RAB40C: variants seen among roughly 807,000 people sequenced by gnomAD.
RAB40C encodes the protein RAB40C, member RAS oncogene family, also known as ras-related protein Rab-40C.
A neutral mutation model predicts 28.1 loss-of-function variants in RAB40C; 8 were observed. That is an observed-to-expected ratio of 0.28 (90% confidence interval 0.17 to 0.51). The LOEUF is 0.51. RAB40C is among the 20% of genes least tolerant of loss of function. RAB40C has a pLI of 0.97. For missense variants in RAB40C, 288 were observed against 405.9 expected, an observed-to-expected ratio of 0.71 and a Z score of 2.50; for synonymous variants, 201 against 171.7, an observed-to-expected ratio of 1.17 and a Z score of -1.34.
intron 1 of RAB40C, among the ~76,000 whole-genome samples, chr16:611,512 C>T (rs918462299): frequency 3.3e-5 from 5 of 152,208 alleles, no homozygotes; most frequent in East Asian, 3.8e-4. Flanking sequence ...ACAGAACCAC[C>T]GGAGGAGGGA....
At chr16:607,701 G>T (rs1020135803) in intron 1 of RAB40C, among the ~76,000 whole-genome samples, 2 of 152,166 alleles carry the variant, frequency 1.3e-5, no homozygotes, top group African/African-American at 4.8e-5. Flanking sequence ...TGAGGCAGGA[G>T]AATGGCATGA....
At chr16:615,148 G>A (rs1447359794) in intron 1 of RAB40C, among the ~76,000 whole-genome samples, 2 of 152,244 alleles carry the variant, frequency 1.3e-5, no homozygotes, top group African/African-American at 4.8e-5. Context: ...TCTAGGAGAC[G>A]TGTGATCTGC....
intron 1 of RAB40C, among the ~76,000 whole-genome samples, chr16:594,635 C>T (rs546340686): frequency 8.5e-5 from 13 of 152,194 alleles, no homozygotes; most frequent in Admixed American, 4.6e-4. Flanking sequence ...CCTGATGTGT[C>T]GTCGGCTGCT....
intron 1 of RAB40C, among the ~76,000 whole-genome samples, chr16:614,642 T>C (rs1346002045): frequency 2.4e-3 from 290 of 121,748 alleles, no homozygotes; most frequent in South Asian, 4.0e-3. Flanking sequence ...AACTCTGCCG[T>C]ATCCCGATGG....
chr16:625,134 A>T, intron 3 of RAB40C: 1 of 1,353,106 alleles, frequency 7.4e-7, no homozygotes, highest in Non-Finnish European at 9.7e-7. Context: ...AGAACCCCGC[A>T]TCTGCCTGCC....
At chr16:601,889 A>T (rs2036259911) in intron 1 of RAB40C, among the ~76,000 whole-genome samples, 2 of 132,706 alleles carry the variant, frequency 1.5e-5, no homozygotes, top group African/African-American at 2.8e-5. Context: ...GCACTTTGGG[A>T]GGCCGAGGTG....
At chr16:599,266 AG>A (rs2036198870) in intron 1 of RAB40C, among the ~76,000 whole-genome samples, 1 of 152,180 alleles carries the variant, frequency 6.6e-6, no homozygotes, top group South Asian at 2.1e-4. Context: ...CTTTGCTCCG[AG>A]GGGTGTCTGT....
intron 1 of RAB40C, chr16:596,413 T>A: frequency 2.2e-6 from 1 of 450,408 alleles, no homozygotes; most frequent in South Asian, 1.6e-5. Flanking sequence ...AGGAAGGGGT[T>A]GCATCACAGC....
At chr16:590,503 C>T (rs1361081956) in intron 1 of RAB40C, 70 bp downstream of exon 1, 19 of 1,409,208 alleles carry the variant, frequency 1.3e-5, no homozygotes, top group African/African-American at 3.1e-5. Flanking sequence ...CGGAGCTCGC[C>T]CTCGGCCCGG....
In RAB40C at chr16:618,224, C is replaced by T. The variant is rs2036630192; in HGVS notation, c.228C>T (p.Phe76=). ...GGGACACGTCGGGCCAGGGCCGGTT[C>T]TGCACCATCTTCAGGTCCTACTCCA... ...ELWDTSGQGR[F]CTIFRSYSRG... Residue 76 remains phenylalanine (F), a synonymous_variant, in exon 3 of 6, where the codon TTC becomes TTT. Transcript: ENST00000248139. 1 of 1,613,762 alleles carries T rather than the reference C, an allele frequency of 6.2e-7. No individual in the cohort carries two copies. Among genetic ancestry groups the T allele is most frequent in the Non-Finnish European group, 8.5e-7 (1 of 1,179,924 alleles).
chr16:596,764 T>C (rs1044342812), intron 1 of RAB40C, among the ~76,000 whole-genome samples: 1 of 152,116 alleles, frequency 6.6e-6, no homozygotes, highest in African/African-American at 2.4e-5. Flanking sequence ...GTGGGCATCC[T>C]CAGGGCAGGA....
rs767137288 is a variant in RAB40C, at chr16:627,370, G to A, written c.594G>A (p.Arg198=). 6.2e-6 allele frequency: 10 copies of A among 1,613,632 alleles called. No homozygotes were observed. The highest frequency in any genetic ancestry group is 8.5e-6 in the Non-Finnish European group (10 of 1,179,954). Residue 198 remains arginine (R), a synonymous_variant, in exon 6 of 6, where the codon CGG becomes CGA. Transcript: ENST00000248139. ...RVFSLQDLCC[R]AIVSCTPVHL... is the part of the protein sequence containing the mutation. Reference sequence around the variant, plus strand: ...TCAGCCTGCAGGACCTCTGCTGCCGGGCCATCGTCTCCTGCACCCCCGTGC... The same window carrying A: ...TCAGCCTGCAGGACCTCTGCTGCCGAGCCATCGTCTCCTGCACCCCCGTGC...
chr16:624,876 G>T, intron 3 of RAB40C: 1 of 985,496 alleles, frequency 1.0e-6, no homozygotes, highest in Non-Finnish European at 1.2e-6. Flanking sequence ...ACAGCCCAGA[G>T]CTGAGCTCCA....
intron 1 of RAB40C, among the ~76,000 whole-genome samples, chr16:594,818 CTT>C (rs1006905623): frequency 3.9e-4 from 51 of 130,262 alleles, no homozygotes; most frequent in Admixed American, 7.7e-4. Context: ...GCTCGTCTTC[CTT>C]TTTTTTTTTT....
At chr16:595,248 C>A (rs2036088642) in intron 1 of RAB40C, among the ~76,000 whole-genome samples, 1 of 152,042 alleles carries the variant, frequency 6.6e-6, no homozygotes, top group African/African-American at 2.4e-5. Flanking sequence ...TTTCCGCTGC[C>A]CCCGTGTAGC....
rs2036896697 is a variant in RAB40C, at chr16:628,791, G to A, written c.*1169G>A. On this transcript the variant is annotated 3_prime_UTR_variant, in exon 6 of 6. Coordinates refer to ENST00000248139, the MANE Select transcript of RAB40C (RefSeq NM_021168.5). ...TCGCCTGGGCCTGCCCACAGCACTG[G>A]TGCTCACCTCTACCTCCTGTCCTCA... 1 of 152,954 alleles carries A rather than the reference G, an allele frequency of 6.5e-6. No homozygotes were observed. The highest frequency in any genetic ancestry group is 6.5e-5 in the Admixed American group (1 of 15,286). 9.5% of individuals were successfully genotyped at this position (152,954 alleles called of 1,614,324 possible).
chr16:625,479 C>T lies in RAB40C; in HGVS notation c.312C>T (p.Gly104=). 1.9e-6 allele frequency: 3 copies of T among 1,613,570 alleles called. No homozygotes were observed. The South Asian group carries it at 3.3e-5, about 18-fold the overall frequency. ...TCACCAACCGCTGGTCCTTTGACGGCATCGACCGCTGGATCAAGGAGATCG... is the reference window on the plus strand; with the variant it reads ...TCACCAACCGCTGGTCCTTTGACGGTATCGACCGCTGGATCAAGGAGATCG... The part of the protein sequence containing the change: ...YDITNRWSFD[G]IDRWIKEIDE... The change falls in exon 4 of 6, where the codon GGC becomes GGT. Residue 104 remains glycine (G), a synonymous_variant. Coordinates refer to ENST00000248139, the MANE Select transcript of RAB40C (RefSeq NM_021168.5).
chr16:590,317 A>G lies in RAB40C; in HGVS notation c.26A>G (p.Lys9Arg). Residue 9 changes from lysine (K) to arginine (R), a missense_variant, in exon 1 of 6, where the codon AAG becomes AGG. Lys to Arg is a conservative substitution (Grantham distance 26). Around this residue, in one of 3 missense-constraint regions of RAB40C, gnomAD observed 78 missense variants for 88.2 expected, o/e 0.88. Coordinates refer to ENST00000248139, the MANE Select transcript of RAB40C (RefSeq NM_021168.5). Reference sequence around the variant, plus strand: ...ATGGGCTCGCAGGGCAGTCCGGTGAAGAGCTACGACTACCTGCTCAAGTTC... The same window carrying G: ...ATGGGCTCGCAGGGCAGTCCGGTGAGGAGCTACGACTACCTGCTCAAGTTC... MGSQGSPV[K>R]SYDYLLKFLL... The G allele has an allele frequency of 6.3e-7, 1 of 1,578,680 alleles. No homozygotes were observed. Among genetic ancestry groups the G allele is most frequent in the Non-Finnish European group, 8.6e-7 (1 of 1,164,122 alleles).
chr16:614,429 C>T (rs528817558), intron 1 of RAB40C, among the ~76,000 whole-genome samples: 1 of 130,038 alleles, frequency 7.7e-6, no homozygotes, highest in South Asian at 2.9e-4. Context: ...CTAACTCTAC[C>T]GCATCCCGAT....
Sources: allele counts gnomAD v4.1 joint callset (sites outside exome capture counted in the v4.1 genomes callset), GRCh38; gene constraint gnomAD v4.1.1; regional missense constraint gnomAD v4.1.1; transcripts MANE v1.5; gene names NCBI Gene and HGNC (gene_info 2026-07-23, HGNC 2026-07-21).